Variants in PBX1 observed in about 807,000 individuals in gnomAD.
PBX1 encodes PBX homeobox 1, also known as pre-B-cell leukemia transcription factor 1.
Under a neutral mutation model 53.4 loss-of-function variants are expected in PBX1, and 6 were observed. The observed-to-expected ratio is 0.11, with a 90% CI of 0.06 to 0.22. PBX1 has a LOEUF of 0.22. Among genes scored for constraint, PBX1 ranks in the 10% least tolerant of loss-of-function variants. The pLI, the probability that PBX1 is intolerant of heterozygous loss-of-function variation, is 1.00. For synonymous variants in PBX1, 204 were observed against 212.3 expected, an observed-to-expected ratio of 0.96 and a Z score of 0.34; for missense variants, 251 against 551.4, an observed-to-expected ratio of 0.46 and a Z score of 5.46.
chr1:164,799,842 C>T lies in PBX1; in HGVS notation c.654C>T (p.Ser218=), dbSNP rs41266608. The T allele has an allele frequency of 6.2e-7, 1 of 1,613,980 alleles. No individual in the cohort carries two copies. Among genetic ancestry groups the T allele is most frequent in the Non-Finnish European group, 8.5e-7 (1 of 1,179,910 alleles). The change falls in exon 4 of 9, where the codon AGC becomes AGT. Residue 218 remains serine (S), a synonymous_variant. Transcript: ENST00000420696. ...FSSIQMQLKQ[S]TCEAVMILRS... ...CCATCCAGATGCAGCTCAAGCAGAG[C>T]ACGTGCGAGGCGGTGATGATCCTGC...
At chr1:164,882,636 C>T (rs1351555150) in intron 2 of PBX1, among the ~76,000 whole-genome samples, 1 of 152,048 alleles carries the variant, frequency 6.6e-6, no homozygotes, top group African/African-American at 2.4e-5. Flanking sequence ...GATGGAGTCT[C>T]ACTATGTTGA....
At chr1:164,681,606 T>C (rs16833813) in intron 2 of PBX1, among the ~76,000 whole-genome samples, 1,864 of 152,250 alleles carry the variant, frequency 0.012, 19 homozygotes, top group Non-Finnish European at 0.019. Flanking sequence ...AGCCAGAACA[T>C]AGAAAGTAAA....
rs542602061 is a variant in PBX1, at chr1:164,882,222, T to C, written n.258-16966T>C. 2.6e-5 allele frequency among the ~76,000 whole-genome samples: 4 copies of C among 152,254 alleles called. No homozygotes were observed. In the East Asian group the frequency reaches 7.7e-4, roughly 29 times the overall value. On this transcript the variant is annotated intron_variant and non_coding_transcript_variant, in intron 2 of 2. Coordinates refer to the PBX1 transcript ENST00000558796. Reference sequence around the variant, plus strand: ...GCTCCAGGGCTGGAGCCTAGGCCTCTAACTCTATGCTGCCTAAATATGGTG... The same window carrying C: ...GCTCCAGGGCTGGAGCCTAGGCCTCCAACTCTATGCTGCCTAAATATGGTG...
intron 2 of PBX1, among the ~76,000 whole-genome samples, chr1:164,668,271 T>C (rs561453451): frequency 3.3e-4 from 51 of 152,262 alleles, no homozygotes; most frequent in African/African-American, 1.2e-3. Context: ...ACCTAAGCAA[T>C]TTGTAAGGGA....
intron 2 of PBX1, among the ~76,000 whole-genome samples, chr1:164,744,880 G>T (rs1028488694): frequency 9.2e-5 from 14 of 152,250 alleles, no homozygotes; most frequent in African/African-American, 2.9e-4. Flanking sequence ...AGACAGTGGT[G>T]GGGGTGGTGG....
chr1:164,561,958 T>C (rs1210306026), intron 1 of PBX1, among the ~76,000 whole-genome samples: 1 of 152,148 alleles, frequency 6.6e-6, no homozygotes, highest in Non-Finnish European at 1.5e-5. Context: ...ATCTTTTTTT[T>C]TTTCTACCCC....
At chr1:164,613,811 A>G (rs1163242753) in intron 2 of PBX1, among the ~76,000 whole-genome samples, 2 of 152,076 alleles carry the variant, frequency 1.3e-5, no homozygotes, top group African/African-American at 4.8e-5. Flanking sequence ...CCAAACTCTT[A>G]GTCCCACTCC....
At chr1:164,852,460 G>T (rs1057491418), downstream of PBX1, among the ~76,000 whole-genome samples, 2 of 152,168 alleles carry the variant, frequency 1.3e-5, no homozygotes, top group Non-Finnish European at 2.9e-5. Context: ...CAGTGTTCTA[G>T]CTGGAACACC....
intron 2 of PBX1, among the ~76,000 whole-genome samples, chr1:164,590,831 A>G (rs767203035): frequency 2.0e-5 from 3 of 151,896 alleles, no homozygotes; most frequent in Admixed American, 6.6e-5. Flanking sequence ...TTACCCTTCC[A>G]GACATTTATT....
intron 2 of PBX1, among the ~76,000 whole-genome samples, chr1:164,635,690 G>T (rs1481378753): frequency 1.3e-5 from 2 of 152,126 alleles, no homozygotes; most frequent in African/African-American, 4.8e-5. Flanking sequence ...AGCTATCAGG[G>T]TACATTAGAG....
At chr1:164,568,834 G>A (rs1243176581) in intron 2 of PBX1, among the ~76,000 whole-genome samples, 1 of 152,186 alleles carries the variant, frequency 6.6e-6, no homozygotes, top group African/African-American at 2.4e-5. Flanking sequence ...GTGATCCCCA[G>A]AGGGGAAAAA....
intron 2 of PBX1, among the ~76,000 whole-genome samples, chr1:164,603,669 C>G (rs1241253086): frequency 6.6e-6 from 1 of 152,140 alleles, no homozygotes; most frequent in African/African-American, 2.4e-5. Flanking sequence ...ATTACCTTTA[C>G]CAAACATCAT....
At chr1:164,666,163 C>G (rs1660797607) in intron 2 of PBX1, among the ~76,000 whole-genome samples, 1 of 152,114 alleles carries the variant, frequency 6.6e-6, no homozygotes, top group Non-Finnish European at 1.5e-5. Flanking sequence ...GAGGATGTCC[C>G]CATTTGCAAT....
At chr1:164,757,207 G>T (rs745826229) in intron 2 of PBX1, among the ~76,000 whole-genome samples, 31 of 152,042 alleles carry the variant, frequency 2.0e-4, no homozygotes, top group Non-Finnish European at 3.7e-4. Context: ...AATATTTTGG[G>T]GTTCAAGGAT....
At chr1:164,640,970 C>G (rs1659108358) in intron 2 of PBX1, 1 of 152,610 alleles carries the variant, frequency 6.6e-6, no homozygotes, top group Admixed American at 6.5e-5. Context: ...TTAAAGCTGT[C>G]AAAGTTATAG....
At chr1:164,564,330 G>T (rs899051469) in intron 2 of PBX1, among the ~76,000 whole-genome samples, 4 of 151,912 alleles carry the variant, frequency 2.6e-5, no homozygotes, top group Non-Finnish European at 5.9e-5. Flanking sequence ...ATAAGCAAGG[G>T]CATGACATGA....
chr1:164,757,794 G>A (rs1170049756), intron 2 of PBX1, among the ~76,000 whole-genome samples: 2 of 84,324 alleles, frequency 2.4e-5, no homozygotes, highest in African/African-American at 7.0e-5. Flanking sequence ...AGGTTGGGTT[G>A]ACCCAGTAAA....
intron 2 of PBX1, chr1:164,771,514 T>C (rs562945325): frequency 1.3e-5 from 2 of 152,190 alleles, no homozygotes; most frequent in Non-Finnish European, 2.9e-5. Flanking sequence ...CTCCTTGCAC[T>C]TGACAATCAC....
chr1:164,740,131 C>T lies in PBX1; in HGVS notation c.266-52363C>T, dbSNP rs548362305. Reference sequence around the variant, plus strand: ...ATAAAAGGTGCCTGTGAAGAACTAACGCTAGGAACACAGGGAAGAAAGAGA... The same window carrying T: ...ATAAAAGGTGCCTGTGAAGAACTAATGCTAGGAACACAGGGAAGAAAGAGA... On this transcript the variant is annotated intron_variant, in intron 2 of 8. Transcript: ENST00000420696. Among the ~76,000 whole-genome samples the T allele has an allele frequency of 2.0e-3, 310 of 152,196 alleles. 1 individual carries two copies. The highest frequency in any genetic ancestry group is 7.7e-3 in the South Asian group (37 of 4,820).
Sources: gnomAD v4.1 joint callset for allele counts (sites outside exome capture counted in the v4.1 genomes callset) on GRCh38, gnomAD v4.1.1 for gene constraint, MANE v1.5 for transcripts, NCBI Gene and HGNC (gene_info 2026-07-23, HGNC 2026-07-21) for gene names.